The following ZNF136 variants were observed in gnomAD, a reference collection of about 807,000 sequenced individuals.
ZNF136 encodes the protein zinc finger protein 136, also known as zinc finger protein 136 (clone pHZ-20).
Under a neutral mutation model 11.4 loss-of-function variants are expected in ZNF136, and 8 were observed. The observed-to-expected ratio is 0.70, with a 90% CI of 0.41 to 1.27. The LOEUF (loss-of-function observed/expected upper bound fraction) is 1.27, where lower values mean the gene tolerates loss of function less well. Ranked by LOEUF, ZNF136 falls within the 50% of genes most tolerant of loss-of-function variation. The pLI, the probability that ZNF136 is intolerant of heterozygous loss-of-function variation, is 0.01. For missense variants in ZNF136, 590 were observed against 656.5 expected (o/e 0.90, Z 1.11); for synonymous variants, 190 against 207.1 (o/e 0.92, Z 0.71).
intron 1 of ZNF136, among the ~76,000 whole-genome samples, chr19:12,166,687 A>T (rs1360642812): frequency 6.6e-6 from 1 of 152,234 alleles, no homozygotes; most frequent in Non-Finnish European, 1.5e-5. Flanking sequence ...GTTAAGTGAC[A>T]TCTTTGTCTG....
chr19:12,175,062 T>C (rs1035818623), intron 1 of ZNF136, among the ~76,000 whole-genome samples: 2 of 151,980 alleles, frequency 1.3e-5, no homozygotes, highest in African/African-American at 4.8e-5. Flanking sequence ...TTCGCCATAT[T>C]GACTAGCTCC....
At chr19:12,168,057 C>CTT (rs386388563) in intron 1 of ZNF136, among the ~76,000 whole-genome samples, 2,362 of 70,782 alleles carry the variant, frequency 0.033, 361 homozygotes, top group East Asian at 0.11. Flanking sequence ...TTTTCTTTTT[C>CTT]TTTTTTTTTT....
chr19:12,163,629 C>T (rs1297567695), intron 1 of ZNF136: 2 of 188,456 alleles, frequency 1.1e-5, no homozygotes, highest in African/African-American at 2.3e-5. Context: ...CACTCTGTCC[C>T]CCAGCCTGCT....
intron 1 of ZNF136, among the ~76,000 whole-genome samples, chr19:12,164,408 A>T (rs940926812): frequency 6.7e-6 from 1 of 148,680 alleles, no homozygotes; most frequent in Non-Finnish European, 1.5e-5. Context: ...TGTAGTTGGG[A>T]CCACAGTTTT....
Position 12,187,665 on chromosome 19 carries a change from C to T in ZNF136, c.1287C>T (p.Phe429=), listed in dbSNP as rs771310731. The change falls in exon 4 of 4, where the codon TTC becomes TTT. Residue 429 remains phenylalanine (F), a synonymous_variant. Transcript: ENST00000343979. ...TATGTAAACATTGTGGTAAAGCTTT[C>T]GTTTCTTCAACATCAATTCGAATAC... The part of the protein sequence containing the change: ...PYVCKHCGKA[F]VSSTSIRIHE... 20 of 1,613,874 alleles carry T rather than the reference C, an allele frequency of 1.2e-5. No individual in the cohort carries two copies. Among genetic ancestry groups the T allele is most frequent in the Admixed American group, 1.2e-4 (7 of 59,982 alleles).
intron 1 of ZNF136, among the ~76,000 whole-genome samples, chr19:12,175,097 G>A (rs1914756910): frequency 2.0e-5 from 3 of 152,146 alleles, no homozygotes; most frequent in Admixed American, 2.0e-4. Flanking sequence ...GAGTAGATTA[G>A]AGTGTATTTT....
intron 1 of ZNF136, among the ~76,000 whole-genome samples, chr19:12,179,026 A>G (rs1264197371): frequency 1.3e-5 from 2 of 151,976 alleles, no homozygotes; most frequent in Non-Finnish European, 2.9e-5. Context: ...AAAAAAAAAG[A>G]AAAATTGTGA....
Position 12,187,618 on chromosome 19 carries a change from C to G in ZNF136, c.1240C>G (p.His414Asp). The G allele has an allele frequency of 6.2e-7, 1 of 1,614,148 alleles. No homozygotes were observed. The highest frequency in any genetic ancestry group is 8.5e-7 in the Non-Finnish European group (1 of 1,180,004). ...LSPFRIHERTHTGEKPYVCKH... is the reference protein window; with the variant it reads ...LSPFRIHERTDTGEKPYVCKH... Reference sequence around the variant, plus strand: ...TCCATTTCGAATACATGAAAGAACTCACACTGGAGAGAAACCTTATGTATG... The same window carrying G: ...TCCATTTCGAATACATGAAAGAACTGACACTGGAGAGAAACCTTATGTATG... Residue 414 changes from histidine (H) to aspartate (D), a missense_variant, in exon 4 of 4, where the codon CAC becomes GAC. Physicochemically the swap from His to Asp is moderately conservative, Grantham distance 81. Transcript: ENST00000343979.
At chr19:12,170,732 C>T (rs761648190) in intron 1 of ZNF136, among the ~76,000 whole-genome samples, 8 of 151,200 alleles carry the variant, frequency 5.3e-5, no homozygotes, top group African/African-American at 1.2e-4. Flanking sequence ...TGCAGTGGCG[C>T]GATCTCAGCT....
intron 2 of ZNF136, 99 bp from the exon 3 acceptor site, chr19:12,186,015 G>C (rs144803622): frequency 6.3e-7 from 1 of 1,593,208 alleles, no homozygotes; most frequent in South Asian, 1.1e-5. Context: ...TACTTGGGGG[G>C]CTAAAACAGG....
intron 1 of ZNF136, among the ~76,000 whole-genome samples, chr19:12,170,087 C>T (rs544450075): frequency 6.3e-5 from 9 of 142,070 alleles, no homozygotes; most frequent in Admixed American, 1.5e-4. Flanking sequence ...AGCCACCACG[C>T]CCGGCCATTT....
In ZNF136 at chr19:12,170,611, TGGGCTC is replaced by T. The variant is rs144387486; in HGVS notation, c.3+7406_3+7411del. ...CCATGTTGCCCAGCACTCAAACCCT[TGGGCTC>T]AGCACTGGGATTATAGGCATGAGCC... On this transcript the variant is annotated intron_variant, in intron 1 of 3. Transcript: ENST00000343979. Among the ~76,000 whole-genome samples the T allele has an allele frequency of 4.4e-3, 664 of 152,022 alleles. 3 individuals carry two copies. The highest frequency in any genetic ancestry group is 0.016 in the African/African-American group (650 of 41,432).
chr19:12,174,857 C>CTTTTTTTTT lies in ZNF136; in HGVS notation c.4-10918_4-10910dup, dbSNP rs538143217. The stretch of plus-strand genomic sequence containing the variant: ...TCACCATGTTAGTCAGGATGGCTTT[C>CTTTTTTTTT]TTTTTTTTTTTTTTTTTTGAGACGG... On this transcript the variant is annotated intron_variant, in intron 1 of 3. Coordinates refer to ENST00000343979, the MANE Select transcript of ZNF136 (RefSeq NM_003437.5). 1.4e-3 allele frequency among the ~76,000 whole-genome samples: 125 copies of CTTTTTTTTT among 87,196 alleles called. 4 individuals are homozygous for CTTTTTTTTT. The highest frequency in any genetic ancestry group is 2.5e-3 in the African/African-American group (57 of 22,640). 57.2% of individuals were successfully genotyped at this position (87,196 alleles called of 152,430 possible).
intron 1 of ZNF136, among the ~76,000 whole-genome samples, chr19:12,168,900 A>G (rs1400848816): frequency 6.6e-6 from 1 of 151,926 alleles, no homozygotes; most frequent in African/African-American, 2.4e-5. Flanking sequence ...CTGGTCTCGA[A>G]CTCCTGACCT....
intron 1 of ZNF136, among the ~76,000 whole-genome samples, chr19:12,168,318 C>A (rs745387195): frequency 6.6e-6 from 1 of 152,052 alleles, no homozygotes; most frequent in Non-Finnish European, 1.5e-5. Context: ...AGGTGATCTG[C>A]CTACCTCAGC....
Position 12,163,201 on chromosome 19 carries a change from G to C in ZNF136, c.-3G>C. On this transcript the variant is annotated 5_prime_UTR_variant, in exon 1 of 4. Transcript: ENST00000343979. ...GGAAGCTGGGACACCCGGGAGTCAG[G>C]AAATGGTGAGTGTGTCGGGCCCTGC... 7.1e-7 allele frequency: 1 copy of C among 1,403,938 alleles called. No homozygotes were observed. Among genetic ancestry groups the C allele is most frequent in the Non-Finnish European group, 9.3e-7 (1 of 1,072,646 alleles). The allele number at this position is 1,403,938 out of a possible 1,614,324, so 87.0% of individuals were successfully genotyped here.
chr19:12,172,104 G>C (rs1412358822), intron 1 of ZNF136, among the ~76,000 whole-genome samples: 1 of 151,256 alleles, frequency 6.6e-6, no homozygotes, highest in Non-Finnish European at 1.5e-5. Flanking sequence ...TCAGCCTTCC[G>C]AGTAGCTGGG....
chr19:12,167,263 T>C (rs1470000276), intron 1 of ZNF136, among the ~76,000 whole-genome samples: 1 of 152,206 alleles, frequency 6.6e-6, no homozygotes, highest in Non-Finnish European at 1.5e-5. Context: ...CTGTGGCTTT[T>C]CACCTAAGAA....
At chr19:12,172,603 C>T (rs759080811) in intron 1 of ZNF136, among the ~76,000 whole-genome samples, 11 of 152,082 alleles carry the variant, frequency 7.2e-5, no homozygotes, top group Admixed American at 1.3e-4. Context: ...AAGAGAGCCC[C>T]GATTATGATA....
Sources: gnomAD v4.1 joint callset for allele counts (sites outside exome capture counted in the v4.1 genomes callset) on GRCh38, gnomAD v4.1.1 for gene constraint, MANE v1.5 for transcripts, NCBI Gene and HGNC (gene_info 2026-07-23, HGNC 2026-07-21) for gene names.